SMYD2: variants seen among roughly 807,000 people sequenced by gnomAD.
SMYD2 encodes the protein SET and MYND domain containing 2.
In SMYD2, 53 loss-of-function variants were observed where a neutral mutation model predicts 59.1. The observed-to-expected ratio is 0.90, with a 90% CI of 0.72 to 1.13. The LOEUF is 1.13. Ranked by LOEUF, SMYD2 falls within the 50% of genes most tolerant of loss-of-function variation. The probability of loss-of-function intolerance (pLI) is 0.00; values close to 1 mark genes in which losing one functional copy is unlikely to be tolerated. For synonymous variants in SMYD2, 208 were observed against 198.8 expected (o/e 1.05, Z -0.39); for missense variants, 494 against 544.7 (o/e 0.91, Z 0.93).
intron 5 of SMYD2, among the ~76,000 whole-genome samples, chr1:214,321,238 TA>T (rs1459388873): frequency 2.7e-5 from 4 of 150,240 alleles, no homozygotes; most frequent in Non-Finnish European, 6.0e-5. Context: ...TTATATACCT[TA>T]AAAAATGTAT....
intron 5 of SMYD2, among the ~76,000 whole-genome samples, chr1:214,322,161 T>C (rs544424266): frequency 6.6e-6 from 1 of 152,362 alleles, no homozygotes; most frequent in East Asian, 1.9e-4. Context: ...TGCAAATTTT[T>C]CTGATTCATT....
rs1247426990 is a variant in SMYD2 at position 214,323,949 on chromosome 1, CAG to C, written c.535-689_535-688del. Among the ~76,000 whole-genome samples the C allele has an allele frequency of 2.6e-5, 4 of 151,804 alleles. No homozygotes were observed. The East Asian group carries it at 7.8e-4, about 30-fold the overall frequency. On this transcript the variant is annotated intron_variant, in intron 5 of 11. Transcript: ENST00000366957. ...TTGGATTGATTCCTTTTTTTTGAGA[CAG>C]AGTTTCGCTGTTGTTGCCCAGGCTG...
chr1:214,292,089 TGAGA>T (rs56410935), intron 1 of SMYD2, among the ~76,000 whole-genome samples: 48,227 of 145,834 alleles, frequency 0.33, 7,848 homozygotes, highest in Non-Finnish European at 0.37. Context: ...TTTTCTAGGG[TGAGA>T]GAGAGAGAGA....
At chr1:214,329,921 C>T (rs1657323180) in intron 7 of SMYD2, among the ~76,000 whole-genome samples, 1 of 152,232 alleles carries the variant, frequency 6.6e-6, no homozygotes, top group African/African-American at 2.4e-5. Context: ...CAGACTCTTT[C>T]CACTAACCTG....
At chr1:214,314,981 A>C in intron 3 of SMYD2, 109 bp downstream of exon 3, 1 of 798,538 alleles carries the variant, frequency 1.3e-6, no homozygotes, top group Non-Finnish European at 2.1e-6. Flanking sequence ...ACATCCTTAG[A>C]CTACATTTCC....
intron 2 of SMYD2, among the ~76,000 whole-genome samples, chr1:214,307,232 T>C (rs1228855667): frequency 6.6e-6 from 1 of 152,214 alleles, no homozygotes; most frequent in African/African-American, 2.4e-5. Context: ...TTTCTTTAAA[T>C]CTGAACTAAG....
chr1:214,288,435 C>T (rs527560959), intron 1 of SMYD2, among the ~76,000 whole-genome samples: 1 of 152,180 alleles, frequency 6.6e-6, no homozygotes, highest in Non-Finnish European at 1.5e-5. Flanking sequence ...CCAAATCTCC[C>T]TGTTCCTCGT....
chr1:214,331,204 T>C, intron 9 of SMYD2, 134 bp downstream of exon 9: 1 of 1,291,602 alleles, frequency 7.7e-7, no homozygotes, highest in Non-Finnish European at 1.1e-6. Context: ...CTAGTAAATG[T>C]GTAAAGGCGT....
At chr1:214,313,628 T>C (rs551085534) in intron 2 of SMYD2, among the ~76,000 whole-genome samples, 49 of 152,254 alleles carry the variant, frequency 3.2e-4, no homozygotes, top group African/African-American at 1.1e-3. Flanking sequence ...AAAACTTGTT[T>C]TTATGAAAAT....
rs990230451 is a variant in SMYD2, at chr1:214,314,331, A to G, written c.238-431A>G. On this transcript the variant is annotated intron_variant, in intron 2 of 11. Transcript: ENST00000366957. ...TGTAAAAGGGACTCATTGCTGTGTAAGTCAACTCTCCATTATTTGCCCTGA... is the reference window on the plus strand; with the variant it reads ...TGTAAAAGGGACTCATTGCTGTGTAGGTCAACTCTCCATTATTTGCCCTGA... 1.1e-4 allele frequency among the ~76,000 whole-genome samples: 16 copies of G among 152,318 alleles called. No individual in the cohort carries two copies. In the Middle Eastern group the frequency reaches 0.01, roughly 97 times the overall value.
intron 1 of SMYD2, among the ~76,000 whole-genome samples, chr1:214,296,111 T>G (rs899328544): frequency 6.6e-6 from 1 of 152,252 alleles, no homozygotes; most frequent in Non-Finnish European, 1.5e-5. Context: ...TGAAACCCAC[T>G]AAGCATTCAT....
At chr1:214,291,142 A>G (rs1656630392) in intron 1 of SMYD2, among the ~76,000 whole-genome samples, 1 of 152,248 alleles carries the variant, frequency 6.6e-6, no homozygotes, top group African/African-American at 2.4e-5. Context: ...TGGGTTCTAT[A>G]GTTCTGGAAA....
chr1:214,320,387 T>C (rs1657154364), intron 5 of SMYD2, among the ~76,000 whole-genome samples: 1 of 152,346 alleles, frequency 6.6e-6, no homozygotes, highest in East Asian at 1.9e-4. Context: ...CTGGATTTTC[T>C]ACAGTGAGCA....
At chr1:214,285,272 A>C (rs1419935611) in intron 1 of SMYD2, among the ~76,000 whole-genome samples, 3 of 152,282 alleles carry the variant, frequency 2.0e-5, no homozygotes, top group South Asian at 4.1e-4. Flanking sequence ...CGGCAGAATA[A>C]TTTTTAGTTG....
At chr1:214,323,989 A>T (rs1160577837) in intron 5 of SMYD2, among the ~76,000 whole-genome samples, 3 of 152,050 alleles carry the variant, frequency 2.0e-5, no homozygotes, top group Non-Finnish European at 2.9e-5. Flanking sequence ...GTGCAATGGC[A>T]CAATCTTGGC....
chr1:214,334,460 T>C (rs2102481349), intron 11 of SMYD2, 152 bp downstream of exon 11: 1 of 685,684 alleles, frequency 1.5e-6, no homozygotes, highest in Non-Finnish European at 2.5e-6. Flanking sequence ...GGGTGGGTCC[T>C]GCAGGTGAGG....
At chr1:214,332,213 A>G in intron 10 of SMYD2, 21 bp downstream of exon 10, 1 of 1,611,872 alleles carries the variant, frequency 6.2e-7, no homozygotes, top group African/African-American at 1.3e-5. Flanking sequence ...AGGCTGTTCT[A>G]ATCATCCACG....
intron 6 of SMYD2, among the ~76,000 whole-genome samples, chr1:214,327,250 A>C (rs533677679): frequency 2.0e-5 from 3 of 152,380 alleles, no homozygotes; most frequent in Admixed American, 6.5e-5. Flanking sequence ...CTTGAAAGCG[A>C]CAACGCACCT....
intron 7 of SMYD2, 126 bp from the exon 8 acceptor site, chr1:214,330,042 G>A (rs1478774821): frequency 3.6e-6 from 2 of 553,714 alleles, no homozygotes; most frequent in South Asian, 3.2e-5. Flanking sequence ...AGTAAACAGC[G>A]CATTCCTCCG....
Sources: allele counts gnomAD v4.1 joint callset (sites outside exome capture counted in the v4.1 genomes callset), GRCh38; gene constraint gnomAD v4.1.1; transcripts MANE v1.5; gene names NCBI Gene and HGNC (gene_info 2026-07-23, HGNC 2026-07-21).